The following RPL7A variants were observed in gnomAD, a reference collection of about 807,000 sequenced individuals.
RPL7A encodes the protein ribosomal protein L7a, also known as large ribosomal subunit protein eL8.
For missense variants in RPL7A, 291 were observed against 338.2 expected, an observed-to-expected ratio of 0.86 and a Z score of 1.09; for synonymous variants, 158 against 128.2, an observed-to-expected ratio of 1.23 and a Z score of -1.57.
intron 2 of RPL7A, 145 bp downstream of exon 2, chr9:133,349,187 T>C (rs1288281749): frequency 9.9e-7 from 1 of 1,006,232 alleles, no homozygotes. Context: ...GGGGCAATGA[T>C]ACATGCTTCT....
intron 3 of RPL7A, 80 bp from the exon 4 acceptor site, chr9:133,349,832 G>A: frequency 1.3e-6 from 2 of 1,587,744 alleles, no homozygotes; most frequent in South Asian, 1.1e-5. Flanking sequence ...CAGGACCGCA[G>A]TCCAGCATTT....
intron 4 of RPL7A, 94 bp downstream of exon 4, chr9:133,350,146 G>A (rs2129991653): frequency 2.0e-5 from 32 of 1,612,662 alleles, no homozygotes; most frequent in East Asian, 6.7e-5. Flanking sequence ...GAGTAAAACC[G>A]AGCTTTTTAA....
chr9:133,349,423 A>C (rs2129985881), intron 2 of RPL7A, 128 bp from the exon 3 acceptor site: 5 of 1,122,692 alleles, frequency 4.5e-6, no homozygotes, highest in Non-Finnish European at 5.5e-6. Flanking sequence ...AATATTTGCT[A>C]TCTGAGAGAT....
chr9:133,350,508 A>T (rs2129994199), intron 5 of RPL7A, 89 bp from the exon 6 acceptor site: 2 of 1,602,502 alleles, frequency 1.2e-6, no homozygotes, highest in Non-Finnish European at 1.7e-6. Context: ...CGAATCCATG[A>T]GCTTTTTAAC....
At chr9:133,350,160 T>C (rs2129991794) in intron 4 of RPL7A, 80 bp from the exon 5 acceptor site, 1 of 1,611,514 alleles carries the variant, frequency 6.2e-7, no homozygotes, top group East Asian at 2.2e-5. Context: ...TTTTTAACAC[T>C]GAGTCAGCAG....
At chr9:133,350,966 A>G in intron 6 of RPL7A, 36 bp from the exon 7 acceptor site, 1 of 1,611,718 alleles carries the variant, frequency 6.2e-7, no homozygotes, top group Non-Finnish European at 8.5e-7. Context: ...AAACTAAGGC[A>G]AAAAACCCAC....
At chr9:133,349,149 A>C (rs1836306767) in intron 2 of RPL7A, 107 bp downstream of exon 2, 2 of 1,344,448 alleles carry the variant, frequency 1.5e-6, no homozygotes, top group African/African-American at 2.9e-5. Context: ...AAGTGGTCGC[A>C]GTCCTTAATT....
chr9:133,351,144 A>G (rs1836387870), intron 7 of RPL7A, 73 bp downstream of exon 7: 1 of 1,563,530 alleles, frequency 6.4e-7, no homozygotes, highest in Non-Finnish European at 8.8e-7. Flanking sequence ...GGCTTAACCT[A>G]TGAGAAGTTC....
intron 1 of RPL7A, 125 bp from the exon 2 acceptor site, chr9:133,348,797 C>T: frequency 1.4e-6 from 2 of 1,474,874 alleles, no homozygotes; most frequent in Non-Finnish European, 1.9e-6. Flanking sequence ...TTGCAGAAAG[C>T]TGCTCGCCAG....
At chr9:133,350,159 C>G in intron 4 of RPL7A, 81 bp from the exon 5 acceptor site, 4 of 1,611,896 alleles carry the variant, frequency 2.5e-6, no homozygotes, top group Middle Eastern at 1.7e-4. Context: ...CTTTTTAACA[C>G]TGAGTCAGCA....
chr9:133,349,847 T>C (rs1483390905), intron 3 of RPL7A, 65 bp from the exon 4 acceptor site: 32 of 1,592,258 alleles, frequency 2.0e-5, no homozygotes, highest in African/African-American at 1.4e-4. Context: ...GCATTTGTTA[T>C]TAAGTGTTAA....
chr9:133,349,105 G>C, intron 2 of RPL7A, 63 bp downstream of exon 2: 1 of 1,594,824 alleles, frequency 6.3e-7, no homozygotes, highest in Non-Finnish European at 8.6e-7. Flanking sequence ...TGGTAATTGG[G>C]TTGTGTTGTA....
In RPL7A at chr9:133,349,273, A is replaced by C. The variant is rs1037962067; in HGVS notation, c.124+231A>C. ...CCTTGAATTCAGCTTAGCCATCTGG[A>C]AACAAGTACAGTAGCAGTGTCGCAG... On this transcript the variant is annotated intron_variant, in intron 2 of 7. Transcript: ENST00000323345. 31 of 741,896 alleles carry C rather than the reference A, an allele frequency of 4.2e-5. No homozygotes were observed. The African/African-American group carries it at 4.8e-4, about 12-fold the overall frequency. 46.0% of individuals were successfully genotyped at this position (741,896 alleles called of 1,614,324 possible).
At chr9:133,350,806 G>A in intron 6 of RPL7A, 79 bp downstream of exon 6, 1 of 1,596,692 alleles carries the variant, frequency 6.3e-7, no homozygotes, top group Non-Finnish European at 8.6e-7. Flanking sequence ...TTGCCTTAAA[G>A]GCCAATCTTT....
chr9:133,348,867 C>A, intron 1 of RPL7A, 55 bp from the exon 2 acceptor site: 1 of 1,612,776 alleles, frequency 6.2e-7, no homozygotes, highest in Non-Finnish European at 8.5e-7. Flanking sequence ...CTGAGCCCTA[C>A]CCCCGACGAA....
chr9:133,350,192 GA>G, intron 4 of RPL7A, 47 bp from the exon 5 acceptor site: 1 of 1,612,194 alleles, frequency 6.2e-7, no homozygotes, highest in Non-Finnish European at 8.5e-7. Flanking sequence ...AGCTTCTTGT[GA>G]CTAGAGCAGG....
Position 133,349,055 on chromosome 9 carries a change from C to T in RPL7A, c.124+13C>T, listed in dbSNP as rs201848146. 216 of 1,612,570 alleles carry T rather than the reference C, an allele frequency of 1.3e-4. 1 individual carries two copies. Among genetic ancestry groups the T allele is most frequent in the African/African-American group, 3.5e-4 (26 of 74,768 alleles). ...AATTTTGGCATTGGTAAGTAACAAA[C>T]GGCAGAATGAAAACGGTCTATGTTT... is the stretch of plus-strand genomic sequence containing the variant. On this transcript the variant is annotated intron_variant, in intron 2 of 7. Transcript: ENST00000323345.
In RPL7A at chr9:133,350,626, T is replaced by C. The variant is rs2129995086; in HGVS notation, c.525T>C (p.Arg175=). 9 of 1,614,080 alleles carry C rather than the reference T, an allele frequency of 5.6e-6. No individual in the cohort carries two copies. Among genetic ancestry groups the C allele is most frequent in the Non-Finnish European group, 8.5e-7 (1 of 1,179,974 alleles). The part of the protein sequence containing the change: ...ELVVFLPALC[R]KMGVPYCIIK... The stretch of plus-strand genomic sequence containing the variant: ...TTGTCTTCTTGCCTGCCCTGTGTCG[T>C]AAAATGGGGGTCCCTTACTGCATTA... Residue 175 remains arginine, a synonymous_variant, in exon 6 of 8, where the codon CGT becomes CGC. Coordinates refer to ENST00000323345, the MANE Select transcript of RPL7A (RefSeq NM_000972.3).
chr9:133,348,828 T>G, intron 1 of RPL7A, 94 bp from the exon 2 acceptor site: 1 of 1,598,976 alleles, frequency 6.3e-7, no homozygotes, highest in South Asian at 1.1e-5. Context: ...GCAGGTGCTG[T>G]CAGCGTCCCT....
Sources: gnomAD v4.1 joint callset for allele counts on GRCh38, gnomAD v4.1.1 for gene constraint, MANE v1.5 for transcripts, NCBI Gene and HGNC (gene_info 2026-07-23, HGNC 2026-07-21) for gene names.